VDAC3: variants seen among roughly 807,000 people sequenced by gnomAD.
VDAC3 encodes the protein voltage dependent anion channel 3.
A neutral mutation model predicts 33.9 loss-of-function variants in VDAC3; 7 were observed. That is an observed-to-expected ratio of 0.21 (90% CI 0.12 to 0.39). VDAC3 has a LOEUF of 0.39. Ranked by LOEUF, VDAC3 falls within the 10% of genes least tolerant of loss-of-function variation. The probability of loss-of-function intolerance (pLI) is 1.00; values close to 1 mark genes in which losing one functional copy is unlikely to be tolerated. For synonymous variants in VDAC3, 100 were observed against 122.4 expected (o/e 0.82, Z 1.21); for missense variants, 261 against 334.5 (o/e 0.78, Z 1.71).
chr8:42,392,191 C>T (rs1353028718), intron 1 of VDAC3, among the ~76,000 whole-genome samples: 2 of 152,228 alleles, frequency 1.3e-5, no homozygotes, highest in Non-Finnish European at 1.5e-5. Flanking sequence ...ACTTTCCTCC[C>T]AGGGGTCAGC....
Position 42,401,894 on chromosome 8 carries a change from T to C in VDAC3, c.430T>C (p.Leu144=). ...ACCAACCATCTATGGCTGGGCTGTG[T>C]TGGCCTTCGAAGGGTGGCTTGCTGG... is the stretch of plus-strand genomic sequence containing the variant. ...SGPTIYGWAV[L]AFEGWLAGYQ... The change falls in exon 7 of 10, where the codon TTG becomes CTG. Residue 144 remains leucine (L), a synonymous_variant. Transcript: ENST00000022615. 6.2e-7 allele frequency: 1 copy of C among 1,614,258 alleles called. No individual in the cohort carries two copies. The highest frequency in any genetic ancestry group is 2.2e-5 in the East Asian group (1 of 44,894).
chr8:42,402,128 A>G (rs1272120955), intron 7 of VDAC3, 113 bp downstream of exon 7: 5 of 1,142,090 alleles, frequency 4.4e-6, no homozygotes, highest in South Asian at 1.5e-5. Flanking sequence ...GTGAATATCC[A>G]TCCTTGCGGT....
At chr8:42,394,780 CGA>C (rs1563420653) in intron 3 of VDAC3, among the ~76,000 whole-genome samples, 1 of 151,838 alleles carries the variant, frequency 6.6e-6, no homozygotes, top group Non-Finnish European at 1.5e-5. Context: ...ATATTTTAAA[CGA>C]TATATATAGC....
rs530267656 is a variant in VDAC3 at position 42,395,391 on chromosome 8, A to G, written c.117+258A>G. On this transcript the variant is annotated intron_variant, in intron 4 of 9. Transcript: ENST00000022615. ...GAATATATATTTTTTGACCCATGTCATATGTTTATACTTTCATGAATATGT... is the reference window on the plus strand; with the variant it reads ...GAATATATATTTTTTGACCCATGTCGTATGTTTATACTTTCATGAATATGT... 4.6e-5 allele frequency among the ~76,000 whole-genome samples: 7 copies of G among 152,384 alleles called. No individual in the cohort carries two copies. The South Asian group carries it at 6.2e-4, about 14-fold the overall frequency.
chr8:42,404,272 C>T (rs1379155658), intron 8 of VDAC3, among the ~76,000 whole-genome samples: 1 of 152,170 alleles, frequency 6.6e-6, no homozygotes, highest in Non-Finnish European at 1.5e-5. Flanking sequence ...GTTTTTCTGT[C>T]ACCCAAGTTC....
chr8:42,401,456 A>C (rs1802413780), intron 6 of VDAC3, among the ~76,000 whole-genome samples: 1 of 152,206 alleles, frequency 6.6e-6, no homozygotes, highest in South Asian at 2.1e-4. Context: ...TGGCCTCCCA[A>C]AGTGCTGGGA....
intron 6 of VDAC3, among the ~76,000 whole-genome samples, chr8:42,400,256 T>C (rs1214067042): frequency 6.6e-6 from 1 of 150,462 alleles, no homozygotes; most frequent in African/African-American, 2.5e-5. Flanking sequence ...GAGAATGGCA[T>C]GAACCCAGGA....
At chr8:42,399,469 A>T (rs1343215312) in intron 5 of VDAC3, 182 bp from the exon 6 acceptor site, 1 of 469,748 alleles carries the variant, frequency 2.1e-6, no homozygotes, top group Non-Finnish European at 3.9e-6. Context: ...GAGAACCATG[A>T]TGAAGGCTGG....
Position 42,405,407 on chromosome 8 carries a change from A to G in VDAC3, c.797A>G (p.Lys266Arg). 6.2e-7 allele frequency: 1 copy of G among 1,612,900 alleles called. No homozygotes were observed. Among genetic ancestry groups the G allele is most frequent in the Non-Finnish European group, 8.5e-7 (1 of 1,180,016 alleles). Residue 266 changes from lysine to arginine, a missense_variant, in exon 10 of 10, where the codon AAG (lysine) becomes AGG (arginine). Lys to Arg is a conservative substitution (Grantham distance 26). Coordinates refer to ENST00000022615, the MANE Select transcript of VDAC3 (RefSeq NM_005662.7). ...ACTTTATCAGCTTTAATCGATGGGA[A>G]GAACTTCAGTGCAGGAGGTCACAAG... is the stretch of plus-strand genomic sequence containing the variant. ...KLTLSALIDGKNFSAGGHKVG... is the reference protein window; with the variant it reads ...KLTLSALIDGRNFSAGGHKVG...
intron 8 of VDAC3, 73 bp downstream of exon 8, chr8:42,403,534 G>A: frequency 7.1e-7 from 1 of 1,416,700 alleles, no homozygotes; most frequent in Non-Finnish European, 9.5e-7. Flanking sequence ...TGTGATATGA[G>A]TGTAGTTTGC....
intron 4 of VDAC3, chr8:42,397,318 C>T (rs1197762942): frequency 6.6e-6 from 1 of 152,184 alleles, no homozygotes; most frequent in Non-Finnish European, 1.5e-5. Context: ...GCATGATACT[C>T]TCTTTGAAAC....
chr8:42,392,385 C>T (rs1167762732), intron 1 of VDAC3, among the ~76,000 whole-genome samples: 6 of 151,858 alleles, frequency 4.0e-5, no homozygotes, highest in African/African-American at 1.2e-4. Flanking sequence ...CAGTAGCAAC[C>T]GGCTTAACGC....
rs182060878 is a variant in VDAC3 at position 42,401,386 on chromosome 8, G to A, written c.324-402G>A. Among the ~76,000 whole-genome samples the A allele has an allele frequency of 3.6e-3, 548 of 152,206 alleles. 8 individuals carry two copies. Among genetic ancestry groups the A allele is most frequent in the African/African-American group, 0.012 (501 of 41,520 alleles). Reference sequence around the variant, plus strand: ...TAATTTTTGTATTTTTAGTAGAAACGGGGTTTCACCATGTTGGCCAGGATG... The same window carrying A: ...TAATTTTTGTATTTTTAGTAGAAACAGGGTTTCACCATGTTGGCCAGGATG... On this transcript the variant is annotated intron_variant, in intron 6 of 9. Coordinates refer to ENST00000022615, the MANE Select transcript of VDAC3 (RefSeq NM_005662.7).
intron 7 of VDAC3, 102 bp downstream of exon 7, chr8:42,402,117 G>T: frequency 8.1e-7 from 1 of 1,231,900 alleles, no homozygotes. Context: ...AGCATGCCTT[G>T]GTGAATATCC....
chr8:42,394,067 C>T (rs1311822996), intron 2 of VDAC3, 143 bp from the exon 3 acceptor site: 2 of 711,806 alleles, frequency 2.8e-6, no homozygotes, highest in African/African-American at 3.5e-5. Context: ...CTGTCTCATA[C>T]CTTTGATTGC....
intron 9 of VDAC3, among the ~76,000 whole-genome samples, 175 bp downstream of exon 9, chr8:42,405,099 G>A (rs1802477134): frequency 6.6e-6 from 1 of 152,208 alleles, no homozygotes; most frequent in Admixed American, 6.5e-5. Flanking sequence ...AAAAAAGTAT[G>A]TATTTCTGAC....
intron 7 of VDAC3, 162 bp from the exon 8 acceptor site, chr8:42,403,149 T>C: frequency 1.4e-6 from 1 of 716,736 alleles, no homozygotes; most frequent in Non-Finnish European, 2.3e-6. Context: ...TAGCTGGATT[T>C]AGTTCTGTGT....
chr8:42,402,610 A>G (rs111953402), intron 7 of VDAC3, among the ~76,000 whole-genome samples: 3 of 152,358 alleles, frequency 2.0e-5, no homozygotes, highest in African/African-American at 7.2e-5. Flanking sequence ...CCTACTGGAC[A>G]CTGCTACTAT....
chr8:42,405,337 G>T (rs981240537), intron 9 of VDAC3, 34 bp from the exon 10 acceptor site: 1 of 1,546,036 alleles, frequency 6.5e-7, no homozygotes, highest in Non-Finnish European at 8.9e-7. Flanking sequence ...TGTAATACTT[G>T]TTTCAAGTGA....
Sources: allele counts gnomAD v4.1 joint callset (sites outside exome capture counted in the v4.1 genomes callset), GRCh38; gene constraint gnomAD v4.1.1; transcripts MANE v1.5; gene names NCBI Gene and HGNC (gene_info 2026-07-23, HGNC 2026-07-21).